The following METTL15 variants were observed in gnomAD, a reference collection of about 807,000 sequenced individuals.
METTL15 encodes methyltransferase 15, mitochondrial 12S rRNA N4-cytidine, also known as 12S rRNA N(4)-cytidine methyltransferase METTL15.
Under a neutral mutation model 38.3 loss-of-function variants are expected in METTL15, and 34 were observed. That is an observed-to-expected ratio of 0.89 (90% CI 0.68 to 1.18). METTL15 has a LOEUF of 1.18. Among genes scored for constraint, METTL15 ranks in the 50% most tolerant of loss-of-function variants. The pLI, the probability that METTL15 is intolerant of heterozygous loss-of-function variation, is 0.00. For missense variants in METTL15, 438 were observed against 498.4 expected, an observed-to-expected ratio of 0.88 and a Z score of 1.15; for synonymous variants, 162 against 170.9, an observed-to-expected ratio of 0.95 and a Z score of 0.41.
intron 4 of METTL15, among the ~76,000 whole-genome samples, chr11:28,245,355 A>G (rs1172007367): frequency 6.6e-6 from 1 of 152,198 alleles, no homozygotes; most frequent in Admixed American, 6.5e-5. Flanking sequence ...TTTTCAAGAG[A>G]AACAGTGATA....
intron 3 of METTL15, among the ~76,000 whole-genome samples, chr11:28,192,353 CA>C (rs1851728649): frequency 6.6e-6 from 1 of 151,446 alleles, no homozygotes; most frequent in Non-Finnish European, 1.5e-5. Context: ...AATGTTGAAC[CA>C]GCCTTGCATT....
intron 3 of METTL15, among the ~76,000 whole-genome samples, chr11:28,340,249 C>A (rs1590338771): frequency 1.3e-5 from 2 of 151,896 alleles, no homozygotes; most frequent in East Asian, 3.9e-4. Flanking sequence ...CTAGATTGAG[C>A]AATCCATTAC....
At chr11:28,243,974 A>G (rs893605832) in intron 4 of METTL15, among the ~76,000 whole-genome samples, 1 of 152,194 alleles carries the variant, frequency 6.6e-6, no homozygotes, top group African/African-American at 2.4e-5. Flanking sequence ...CTCTATAATG[A>G]CTGATGCCTT....
At chr11:28,377,397 A>G (rs978492622) in intron 5 of METTL15, among the ~76,000 whole-genome samples, 1 of 151,724 alleles carries the variant, frequency 6.6e-6, no homozygotes. Flanking sequence ...TTCTCGCTTC[A>G]TTTCATTCAT....
intron 6 of METTL15, among the ~76,000 whole-genome samples, chr11:28,461,822 G>A (rs7117141): frequency 0.015 from 2,302 of 152,082 alleles, 26 homozygotes; most frequent in Middle Eastern, 0.027. Flanking sequence ...TATTCAGGGT[G>A]TTCATCACTC....
chr11:28,188,104 G>A (rs1851567891), intron 3 of METTL15, among the ~76,000 whole-genome samples: 1 of 150,954 alleles, frequency 6.6e-6, no homozygotes, highest in Non-Finnish European at 1.5e-5. Context: ...TAGTTTTTGT[G>A]GCATTTAAAA....
At chr11:28,390,235 A>T (rs1273356663) in intron 5 of METTL15, among the ~76,000 whole-genome samples, 1 of 151,170 alleles carries the variant, frequency 6.6e-6, no homozygotes, top group Non-Finnish European at 1.5e-5. Flanking sequence ...TAGTTTAATT[A>T]GATCCCATTT....
intron 3 of METTL15, among the ~76,000 whole-genome samples, chr11:28,165,097 A>G (rs1405324291): frequency 2.0e-5 from 3 of 152,060 alleles, no homozygotes; most frequent in African/African-American, 7.2e-5. Context: ...CCACTGGTAG[A>G]TGTTTAGGTT....
downstream of METTL15, among the ~76,000 whole-genome samples, chr11:28,335,312 A>G (rs1170596015): frequency 6.6e-6 from 1 of 152,112 alleles, no homozygotes; most frequent in Non-Finnish European, 1.5e-5. Flanking sequence ...CTGGGGACTC[A>G]GAAAACCGAG....
At chr11:28,418,433 A>G (rs1414652864) in intron 5 of METTL15, among the ~76,000 whole-genome samples, 4 of 152,080 alleles carry the variant, frequency 2.6e-5, no homozygotes, top group African/African-American at 7.2e-5. Context: ...CAGTGGGTCT[A>G]TTTTGAAGAT....
At chr11:28,442,505 A>T (rs796373718) in intron 6 of METTL15, among the ~76,000 whole-genome samples, 2 of 152,198 alleles carry the variant, frequency 1.3e-5, no homozygotes, top group African/African-American at 4.8e-5. Flanking sequence ...GAGAACACGT[A>T]TACACAGAAT....
intron 5 of METTL15, among the ~76,000 whole-genome samples, chr11:28,296,347 T>A (rs1856734212): frequency 6.6e-6 from 1 of 152,144 alleles, no homozygotes; most frequent in Non-Finnish European, 1.5e-5. Context: ...TTAGACTTTT[T>A]AAAATATCAT....
Position 28,438,866 on chromosome 11 carries a change from G to T in METTL15, c.*424+14502G>T, listed in dbSNP as rs189287124. On this transcript the variant is annotated intron_variant and NMD_transcript_variant, in intron 6 of 7. Coordinates refer to the METTL15 transcript ENST00000532947. ...ATTTTTGTATTTTAGTAGAGACGGGGGGGTTTCACCATGTTGGCCAGGCTG... is the reference window on the plus strand; with the variant it reads ...ATTTTTGTATTTTAGTAGAGACGGGTGGGTTTCACCATGTTGGCCAGGCTG... Among the ~76,000 whole-genome samples the T allele has an allele frequency of 2.0e-3, 307 of 151,700 alleles. 1 individual carries two copies. Among genetic ancestry groups the T allele is most frequent in the African/African-American group, 6.0e-3 (248 of 41,382 alleles).
At chr11:28,384,851 G>C (rs1255050741) in intron 5 of METTL15, among the ~76,000 whole-genome samples, 1 of 152,060 alleles carries the variant, frequency 6.6e-6, no homozygotes, top group East Asian at 1.9e-4. Flanking sequence ...GGTGAGAGAT[G>C]TTATGTCATT....
chr11:28,163,586 A>G (rs1008371129), intron 3 of METTL15: 1 of 395,234 alleles, frequency 2.5e-6, no homozygotes, highest in Non-Finnish European at 4.5e-6. Context: ...GAGAATACAC[A>G]ATCAAATGTA....
At chr11:28,204,528 A>G in intron 3 of METTL15, among the ~76,000 whole-genome samples, 1 of 150,024 alleles carries the variant, frequency 6.7e-6, no homozygotes, top group South Asian at 2.1e-4. Context: ...AAGTAGGAAA[A>G]CATCGATGCT....
intron 6 of METTL15, among the ~76,000 whole-genome samples, chr11:28,324,892 C>T (rs182587902): frequency 2.2e-4 from 33 of 152,276 alleles, no homozygotes; most frequent in African/African-American, 7.7e-4. Flanking sequence ...CAGCTCTCAT[C>T]GACAGCTTTC....
intron 6 of METTL15, among the ~76,000 whole-genome samples, chr11:28,467,990 A>G (rs1287087898): frequency 6.6e-6 from 1 of 152,170 alleles, no homozygotes; most frequent in Admixed American, 6.5e-5. Context: ...TGGACTGTCT[A>G]GCTGGCAGAT....
chr11:28,462,786 G>C (rs1851227107), intron 6 of METTL15, among the ~76,000 whole-genome samples: 1 of 152,180 alleles, frequency 6.6e-6, no homozygotes, highest in East Asian at 1.9e-4. Context: ...GGGAGAAAGG[G>C]TTCCCAAATC....
Sources: gnomAD v4.1 joint callset for allele counts (sites outside exome capture counted in the v4.1 genomes callset) on GRCh38, gnomAD v4.1.1 for gene constraint, MANE v1.5 for transcripts, NCBI Gene and HGNC (gene_info 2026-07-23, HGNC 2026-07-21) for gene names.